HS6ST3: variants seen among roughly 807,000 people sequenced by gnomAD.
The protein encoded by HS6ST3 is heparan sulfate 6-O-sulfotransferase 3.
HS6ST3 carries 12 observed loss-of-function variants against 36.7 expected under a neutral mutation model. The ratio of observed to expected loss-of-function variants is 0.33; its 90% CI spans 0.21 to 0.53. HS6ST3 has a LOEUF of 0.53. Among genes scored for constraint, HS6ST3 ranks in the 20% least tolerant of loss-of-function variants. HS6ST3 has a pLI of 0.95. For synonymous variants in HS6ST3, 240 were observed against 257.5 expected (o/e 0.93, Z 0.65); for missense variants, 584 against 640.9 (o/e 0.91, Z 0.96).
At chr13:96,149,829 T>A (rs1478702980) in intron 1 of HS6ST3, among the ~76,000 whole-genome samples, 2 of 152,192 alleles carry the variant, frequency 1.3e-5, no homozygotes, top group African/African-American at 4.8e-5. Flanking sequence ...TGCCTGTATT[T>A]GGAATTTAAT....
chr13:96,638,632 G>A (rs545427783), intron 1 of HS6ST3, among the ~76,000 whole-genome samples: 37 of 151,884 alleles, frequency 2.4e-4, no homozygotes, highest in South Asian at 6.3e-4. Context: ...CTTTTGCTTG[G>A]CACTTCTCCT....
intron 1 of HS6ST3, among the ~76,000 whole-genome samples, chr13:96,474,506 G>T (rs999082505): frequency 6.6e-6 from 1 of 152,168 alleles, no homozygotes; most frequent in Non-Finnish European, 1.5e-5. Context: ...GAATTTAAGA[G>T]AGATCTTTGC....
intron 1 of HS6ST3, among the ~76,000 whole-genome samples, chr13:96,426,167 CTTCAGGCAGGGGT>C (rs2055585972): frequency 6.6e-6 from 1 of 151,948 alleles, no homozygotes; most frequent in Non-Finnish European, 1.5e-5. Flanking sequence ...AAGACCCCTG[CTTCAGGCAGGGGT>C]CTCGTCAACC....
At chr13:96,306,501 G>A (rs534275747) in intron 1 of HS6ST3, among the ~76,000 whole-genome samples, 79 of 152,234 alleles carry the variant, frequency 5.2e-4, no homozygotes, top group South Asian at 1.2e-3. Context: ...GTGAGTCACC[G>A]CACCCGGCTG....
intron 1 of HS6ST3, among the ~76,000 whole-genome samples, chr13:96,116,543 C>T (rs1319960419): frequency 2.6e-5 from 4 of 152,216 alleles, no homozygotes; most frequent in Non-Finnish European, 5.9e-5. Context: ...ATCCCCACTC[C>T]ATTCCCAAAC....
chr13:96,829,971 T>C (rs1275878715), intron 1 of HS6ST3, among the ~76,000 whole-genome samples: 1 of 152,184 alleles, frequency 6.6e-6, no homozygotes, highest in Non-Finnish European at 1.5e-5. Context: ...GGGCTTGGCT[T>C]GCTATTTTTA....
intron 1 of HS6ST3, among the ~76,000 whole-genome samples, chr13:96,129,567 A>T (rs1042295447): frequency 3.3e-5 from 5 of 152,178 alleles, no homozygotes; most frequent in Non-Finnish European, 7.3e-5. Context: ...AATCAAAGTT[A>T]ATTTGGAGCT....
At chr13:96,474,980 A>G (rs1372448628) in intron 1 of HS6ST3, among the ~76,000 whole-genome samples, 1 of 152,174 alleles carries the variant, frequency 6.6e-6, no homozygotes, top group Non-Finnish European at 1.5e-5. Context: ...ATGTTATCTT[A>G]TGGGGAAGCA....
chr13:96,264,182 C>G (rs1424754643), intron 1 of HS6ST3, among the ~76,000 whole-genome samples: 1 of 152,066 alleles, frequency 6.6e-6, no homozygotes, highest in Admixed American at 6.6e-5. Context: ...TTTCTTATAG[C>G]AAAGAATGCT....
At chr13:96,453,198 A>G (rs9584371) in intron 1 of HS6ST3, among the ~76,000 whole-genome samples, 2 of 151,640 alleles carry the variant, frequency 1.3e-5, no homozygotes, top group African/African-American at 4.8e-5. Flanking sequence ...AAAAAAAAAG[A>G]AAAAAAGATT....
intron 1 of HS6ST3, among the ~76,000 whole-genome samples, chr13:96,368,400 A>G (rs1316849726): frequency 6.6e-6 from 1 of 152,064 alleles, no homozygotes; most frequent in Non-Finnish European, 1.5e-5. Flanking sequence ...TTTGAAGAGG[A>G]CATATTTACA....
intron 1 of HS6ST3, among the ~76,000 whole-genome samples, chr13:96,434,888 C>G (rs2055633942): frequency 6.6e-6 from 1 of 152,116 alleles, no homozygotes; most frequent in African/African-American, 2.4e-5. Flanking sequence ...TGAAAGAATT[C>G]TAGATTGGAT....
At chr13:96,784,513 C>T (rs1877596505) in intron 1 of HS6ST3, among the ~76,000 whole-genome samples, 1 of 152,060 alleles carries the variant, frequency 6.6e-6, no homozygotes, top group Non-Finnish European at 1.5e-5. Flanking sequence ...ATGATAATGT[C>T]ATCATTATTT....
At chr13:96,405,303 TA>T (rs2055471997) in intron 1 of HS6ST3, among the ~76,000 whole-genome samples, 1 of 152,246 alleles carries the variant, frequency 6.6e-6, no homozygotes, top group Admixed American at 6.5e-5. Flanking sequence ...TATAGACATG[TA>T]AATTTTTCAT....
At chr13:96,694,662 A>G (rs116135474) in intron 1 of HS6ST3, among the ~76,000 whole-genome samples, 399 of 152,326 alleles carry the variant, frequency 2.6e-3, no homozygotes, top group African/African-American at 9.2e-3. Flanking sequence ...CAACAAGTGT[A>G]TAAGTGTTCC....
chr13:96,666,425 C>G (rs1043708196), intron 1 of HS6ST3, among the ~76,000 whole-genome samples: 1 of 152,162 alleles, frequency 6.6e-6, no homozygotes, highest in Admixed American at 6.6e-5. Context: ...TCTGGTAAGT[C>G]TGTCATCAAT....
intron 1 of HS6ST3, among the ~76,000 whole-genome samples, chr13:96,270,930 A>G (rs1287336969): frequency 1.3e-5 from 2 of 151,912 alleles, no homozygotes; most frequent in African/African-American, 4.8e-5. Flanking sequence ...ACCAACTTTC[A>G]GAGCTCAACT....
chr13:96,212,481 G>A (rs752927311), intron 1 of HS6ST3, among the ~76,000 whole-genome samples: 2 of 152,130 alleles, frequency 1.3e-5, no homozygotes, highest in Non-Finnish European at 2.9e-5. Context: ...TTGCATGTAT[G>A]TGTTCAAATT....
At chr13:96,523,221 C>G (rs1053227561) in intron 1 of HS6ST3, among the ~76,000 whole-genome samples, 2 of 152,118 alleles carry the variant, frequency 1.3e-5, no homozygotes, top group African/African-American at 4.8e-5. Flanking sequence ...GGGTTTCTGC[C>G]GAGAGGGATC....
Sources: allele counts gnomAD v4.1 joint callset (sites outside exome capture counted in the v4.1 genomes callset), GRCh38; gene constraint gnomAD v4.1.1; transcripts MANE v1.5; gene names NCBI Gene and HGNC (gene_info 2026-07-23, HGNC 2026-07-21).